TOMM6: variants seen among roughly 807,000 people sequenced by gnomAD.
The protein encoded by TOMM6 is mitochondrial import receptor subunit TOM6 homolog.
In TOMM6, 6 loss-of-function variants were observed where a neutral mutation model predicts 6.0. The ratio of observed to expected loss-of-function variants is 1.00; its 90% CI spans 0.55 to 1.98. TOMM6 has a LOEUF of 1.98. Among genes scored for constraint, TOMM6 ranks in the 30% most tolerant of loss-of-function variants. The probability of loss-of-function intolerance (pLI) is 0.00; values close to 1 mark genes in which losing one functional copy is unlikely to be tolerated. For missense variants in TOMM6, 104 were observed against 95.3 expected, an observed-to-expected ratio of 1.09 and a Z score of -0.38; for synonymous variants, 44 against 36.3, an observed-to-expected ratio of 1.21 and a Z score of -0.76.
chr6:41,787,794 C>T lies in TOMM6; in HGVS notation c.97C>T (p.Arg33Cys). The T allele has an allele frequency of 1.3e-6, 2 of 1,551,770 alleles. No homozygotes were observed. Among genetic ancestry groups the T allele is most frequent in the Non-Finnish European group, 1.7e-6 (2 of 1,147,010 alleles). The change falls in exon 1 of 3, where the codon CGC becomes TGC. Residue 33 changes from arginine (R) to cysteine (C), a missense_variant. Transcript: ENST00000398881. ...NVGDWLRGVY[R>C]FATDRNDFRR... is the part of the protein sequence containing the mutation. ...GGGAGATTGGCTTCGGGGCGTCTACCGCTTTGCCACTGATAGGAATGACTT... is the reference window on the plus strand; with the variant it reads ...GGGAGATTGGCTTCGGGGCGTCTACTGCTTTGCCACTGATAGGAATGACTT...
At chr6:41,789,115 A>C in intron 1 of TOMM6, 117 bp from the exon 2 acceptor site, 1 of 936,842 alleles carries the variant, frequency 1.1e-6, no homozygotes, top group South Asian at 1.5e-5. Flanking sequence ...CTGCCGTCAC[A>C]ACCACGTATC....
At chr6:41,789,547 C>G (rs944522507) in intron 2 of TOMM6, 21 bp from the exon 3 acceptor site, 4 of 487,022 alleles carry the variant, frequency 8.2e-6, no homozygotes, top group African/African-American at 1.9e-5. Flanking sequence ...TGCCACCTGT[C>G]GTCTTATCAT....
intron 1 of TOMM6, among the ~76,000 whole-genome samples, chr6:41,788,699 A>C (rs1019050862): frequency 3.0e-4 from 34 of 113,602 alleles, no homozygotes; most frequent in East Asian, 5.1e-4. Context: ...GATCCACCCG[A>C]CTCTGCCTCC....
intron 1 of TOMM6, among the ~76,000 whole-genome samples, chr6:41,788,144 T>TTC (rs56956965): frequency 0.75 from 109,012 of 145,538 alleles, 41,189 homozygotes; most frequent in East Asian, 0.82. Flanking sequence ...CATTTCTTTT[T>TTC]TGTTTTTTTT....
Position 41,787,804 on chromosome 6 carries a change from C to G in TOMM6, c.107C>G (p.Thr36Ser). The G allele has an allele frequency of 6.4e-7, 1 of 1,551,788 alleles. No individual in the cohort carries two copies. Among genetic ancestry groups the G allele is most frequent in the Non-Finnish European group, 8.7e-7 (1 of 1,147,002 alleles). Residue 36 changes from threonine (T) to serine (S), a missense_variant, in exon 1 of 3, where the codon ACT becomes AGT. Transcript: ENST00000398881. ...CTTCGGGGCGTCTACCGCTTTGCCACTGATAGGAATGACTTCCGGAGGTAA... is the reference window on the plus strand; with the variant it reads ...CTTCGGGGCGTCTACCGCTTTGCCAGTGATAGGAATGACTTCCGGAGGTAA... ...DWLRGVYRFA[T>S]DRNDFRRNLI...
Position 41,789,290 on chromosome 6 carries a change from A to C in TOMM6, c.187A>C (p.Ser63Arg), listed in dbSNP as rs184463702. ...GGGAGTTTGGCTGGCCAGGAACTTG[A>C]GTGACATTGACCTCATGGCACCTCA... ...AAGVWLARNL[S>R]DIDLMAPQPG... is the part of the protein sequence containing the mutation. Residue 63 changes from serine (S) to arginine (R), a missense_variant, in exon 2 of 3, where the codon AGT becomes CGT. Physicochemically the swap from Ser to Arg is moderately radical, Grantham distance 110. Coordinates refer to ENST00000398881, the MANE Select transcript of TOMM6 (RefSeq NM_001382294.1). 6.4e-7 allele frequency: 1 copy of C among 1,551,618 alleles called. No homozygotes were observed. Among genetic ancestry groups the C allele is most frequent in the Admixed American group, 2.0e-5 (1 of 51,004 alleles).
In TOMM6 at chr6:41,789,294, A is replaced by C. The variant is rs1772749874; in HGVS notation, c.191A>C (p.Asp64Ala). ...AGVWLARNLS[D>A]IDLMAPQPGV ...GTTTGGCTGGCCAGGAACTTGAGTG[A>C]CATTGACCTCATGGCACCTCAGCCA... The change falls in exon 2 of 3, where the codon GAC becomes GCC. Residue 64 changes from aspartate (D) to alanine (A), a missense_variant. By Grantham distance (126) the Asp-to-Ala change is moderately radical. Transcript: ENST00000398881. 1 of 1,551,592 alleles carries C rather than the reference A, an allele frequency of 6.4e-7. No individual in the cohort carries two copies. Among genetic ancestry groups the C allele is most frequent in the Non-Finnish European group, 8.7e-7 (1 of 1,147,006 alleles).
chr6:41,789,234 A>G lies in TOMM6; in HGVS notation c.131A>G (p.Asn44Ser). The change falls in exon 2 of 3, where the codon AAC (asparagine) becomes AGC (serine). Residue 44 changes from asparagine to serine, a missense_variant and splice_region_variant. By Grantham distance (46) the Asn-to-Ser change is conservative. Transcript: ENST00000398881. ...AATAAAACACATTGTTTTTCCAGGA[A>G]CTTGATACTAAATTTGGGACTCTTT... ...FATDRNDFRR[N>S]LILNLGLFAA... 1.9e-6 allele frequency: 3 copies of G among 1,550,544 alleles called. No individual in the cohort carries two copies. The highest frequency in any genetic ancestry group is 2.6e-6 in the Non-Finnish European group (3 of 1,146,892).
At chr6:41,789,161 C>T in intron 1 of TOMM6, 71 bp from the exon 2 acceptor site, 2 of 1,384,842 alleles carry the variant, frequency 1.4e-6, no homozygotes, top group Admixed American at 3.9e-5. Flanking sequence ...AGCCTTTCCC[C>T]CCAGTACATT....
intron 1 of TOMM6, among the ~76,000 whole-genome samples, chr6:41,788,112 C>G (rs1014177667): frequency 6.6e-6 from 1 of 151,422 alleles, no homozygotes; most frequent in Non-Finnish European, 1.5e-5. Flanking sequence ...AGTGCTTTAG[C>G]TGGGCTTTGC....
chr6:41,789,513 C>T, intron 2 of TOMM6, 55 bp from the exon 3 acceptor site: 1 of 566,042 alleles, frequency 1.8e-6, no homozygotes, highest in Non-Finnish European at 3.2e-6. Flanking sequence ...TACCAGTTTC[C>T]CTCCCATACT....
Position 41,788,146 on chromosome 6 carries a change from G to GTTTTT in TOMM6, c.128+333_128+337dup, listed in dbSNP as rs1363261822. 5.2e-5 allele frequency among the ~76,000 whole-genome samples: 5 copies of GTTTTT among 95,954 alleles called. 2 individuals carry two copies. The highest frequency in any genetic ancestry group is 1.1e-4 in the Non-Finnish European group (5 of 45,166). The allele number at this position is 95,954 out of a possible 152,430, so 62.9% of individuals were successfully genotyped here. On this transcript the variant is annotated intron_variant, in intron 1 of 2. Coordinates refer to ENST00000398881, the MANE Select transcript of TOMM6 (RefSeq NM_001382294.1). Reference sequence around the variant, plus strand: ...GCGTTTGATCTTACATTTCTTTTTTGTTTTTTTTTTTTTTTTGAGACGGAG... The same window carrying GTTTTT: ...GCGTTTGATCTTACATTTCTTTTTTGTTTTTTTTTTTTTTTTTTTTTGAGACGGAG...
chr6:41,789,129 G>A, intron 1 of TOMM6, 103 bp from the exon 2 acceptor site: 2 of 1,063,912 alleles, frequency 1.9e-6, no homozygotes, highest in Non-Finnish European at 2.8e-6. Context: ...ACGTATCAAC[G>A]CCTCGGGAAG....
rs1772750375 is a variant in TOMM6 at position 41,789,296 on chromosome 6, A to G, written c.193A>G (p.Ile65Val). ...TTGGCTGGCCAGGAACTTGAGTGAC[A>G]TTGACCTCATGGCACCTCAGCCAGG... ...GVWLARNLSD[I>V]DLMAPQPGV Residue 65 changes from isoleucine to valine, a missense_variant, in exon 2 of 3, where the codon ATT becomes GTT. Physicochemically the swap from Ile to Val is conservative, Grantham distance 29. Coordinates refer to ENST00000398881, the MANE Select transcript of TOMM6 (RefSeq NM_001382294.1). The G allele has an allele frequency of 6.4e-7, 1 of 1,551,560 alleles. No homozygotes were observed. Among genetic ancestry groups the G allele is most frequent in the African/African-American group, 1.4e-5 (1 of 73,024 alleles).
chr6:41,788,526 C>T (rs534952423), intron 1 of TOMM6, among the ~76,000 whole-genome samples: 1 of 143,472 alleles, frequency 7.0e-6, no homozygotes, highest in Non-Finnish European at 1.5e-5. Flanking sequence ...AATCTCGGCT[C>T]ACTGCCCCTT....
rs1368601264 is a variant in TOMM6 at position 41,787,721 on chromosome 6, G to A, written c.24G>A (p.Val8=). 24 of 1,551,604 alleles carry A rather than the reference G, an allele frequency of 1.5e-5. No individual in the cohort carries two copies. The highest frequency in any genetic ancestry group is 1.9e-5 in the Non-Finnish European group (22 of 1,147,006). Residue 8 remains valine (V), a synonymous_variant, in exon 1 of 3, where the codon GTG becomes GTA. Transcript: ENST00000398881. MASSTVP[V]SAAGSANETP... ...CTATGGCTTCCAGCACTGTCCCGGT[G>A]AGCGCTGCTGGCTCGGCTAATGAAA...
intron 1 of TOMM6, 122 bp from the exon 2 acceptor site, chr6:41,789,110 G>T (rs1406299305): frequency 2.2e-6 from 2 of 901,962 alleles, no homozygotes; most frequent in Non-Finnish European, 3.5e-6. Context: ...GCAACCTGCC[G>T]TCACAACCAC....
chr6:41,787,735 C>G lies in TOMM6; in HGVS notation c.38C>G (p.Ser13Trp). Residue 13 changes from serine to tryptophan, a missense_variant, in exon 1 of 3, where the codon TCG (serine) becomes TGG (tryptophan). Transcript: ENST00000398881. ...ACTGTCCCGGTGAGCGCTGCTGGCT[C>G]GGCTAATGAAACTCCCGAAATACCG... is the stretch of plus-strand genomic sequence containing the variant. ...SSTVPVSAAG[S>W]ANETPEIPDN... 6.4e-7 allele frequency: 1 copy of G among 1,551,646 alleles called. No homozygotes were observed. Among genetic ancestry groups the G allele is most frequent in the South Asian group, 1.2e-5 (1 of 84,048 alleles).
In TOMM6 at chr6:41,787,815, G is replaced by T; in HGVS notation, c.118G>T (p.Asp40Tyr). 1 of 1,551,778 alleles carries T rather than the reference G, an allele frequency of 6.4e-7. No homozygotes were observed. The highest frequency in any genetic ancestry group is 8.7e-7 in the Non-Finnish European group (1 of 1,147,000). ...GVYRFATDRN[D>Y]FRRNLILNLG... ...CTACCGCTTTGCCACTGATAGGAAT[G>T]ACTTCCGGAGGTAACCGAGCCCGAG... Residue 40 changes from aspartate to tyrosine, a missense_variant, in exon 1 of 3, where the codon GAC (aspartate) becomes TAC (tyrosine). Coordinates refer to ENST00000398881, the MANE Select transcript of TOMM6 (RefSeq NM_001382294.1).
Sources: allele counts gnomAD v4.1 joint callset (sites outside exome capture counted in the v4.1 genomes callset), GRCh38; gene constraint gnomAD v4.1.1; transcripts MANE v1.5; gene names NCBI Gene and HGNC (gene_info 2026-07-23, HGNC 2026-07-21).